Variants in STYX observed in about 807,000 individuals in gnomAD.
STYX encodes serine/threonine/tyrosine-interacting protein.
Under a neutral mutation model 42.7 loss-of-function variants are expected in STYX, and 20 were observed. The ratio of observed to expected loss-of-function variants is 0.47; its 90% CI spans 0.33 to 0.68. The LOEUF is 0.68. Ranked by LOEUF, STYX falls within the 30% of genes least tolerant of loss-of-function variation. STYX has a pLI of 0.02. For synonymous variants in STYX, 78 were observed against 81.9 expected (o/e 0.95, Z 0.26); for missense variants, 226 against 268.5 (o/e 0.84, Z 1.11).
At position 52,757,334 on chromosome 14, in the gene STYX, G is replaced by A. The variant is rs577721572; in HGVS notation, c.319G>A (p.Asp107Asn). Residue 107 changes from aspartate (D) to asparagine (N), a missense_variant, in exon 6 of 11, where the codon GAT becomes AAT. By Grantham distance (23) the Asp-to-Asn change is conservative (BLOSUM62 1). Transcript: ENST00000354586. ...RFFPMTKEFIDGSLQMGGKVL... is the reference protein window; with the variant it reads ...RFFPMTKEFINGSLQMGGKVL... ...TTGCCTCCAGACTAAGGAATTTATT[G>A]ATGGGAGCTTACAAATGGGAGGTAA... 5 of 1,606,844 alleles carry A rather than the reference G, an allele frequency of 3.1e-6. No homozygotes were observed. Among genetic ancestry groups the A allele is most frequent in the African/African-American group, 2.7e-5 (2 of 74,898 alleles).
rs547390497 is a variant in STYX, at chr14:52,771,093, C to T, written c.659C>T (p.Ala220Val). 20 of 1,609,602 alleles carry T rather than the reference C, an allele frequency of 1.2e-5. No individual in the cohort carries two copies. Among genetic ancestry groups the T allele is most frequent in the Non-Finnish European group, 1.6e-5 (19 of 1,177,128 alleles). ...DDFGTMQVATAQNG is the reference protein window; with the variant it reads ...DDFGTMQVATVQNG The stretch of plus-strand genomic sequence containing the variant: ...TTTGGAACCATGCAAGTGGCGACTG[C>T]ACAGAATGGCTGACTTGAAGAGCAA... Residue 220 changes from alanine to valine, a missense_variant, in exon 11 of 11, where the codon GCA becomes GTA. Transcript: ENST00000354586.
chr14:52,752,170 CAAAACAAAACA>C (rs1006150380), intron 4 of STYX, among the ~76,000 whole-genome samples: 1 of 106,982 alleles, frequency 9.3e-6, no homozygotes, highest in African/African-American at 3.5e-5. Flanking sequence ...AAAAACAAAA[CAAAACAAAACA>C]AAAAAAAAAC....
chr14:52,770,079 C>A (rs974435687), intron 10 of STYX, among the ~76,000 whole-genome samples: 1 of 152,094 alleles, frequency 6.6e-6, no homozygotes, highest in African/African-American at 2.4e-5. Flanking sequence ...GTCATCTCCT[C>A]AGGAAGACAT....
At chr14:52,746,404 C>A (rs890565603) in intron 2 of STYX, 22 bp from the exon 3 acceptor site, 2 of 1,540,252 alleles carry the variant, frequency 1.3e-6, no homozygotes, top group South Asian at 1.2e-5. Context: ...ATGGTAAATA[C>A]CTCAAATTTT....
intron 9 of STYX, among the ~76,000 whole-genome samples, chr14:52,761,328 CA>C (rs55985975): frequency 2.1e-3 from 227 of 106,606 alleles, no homozygotes; most frequent in African/African-American, 2.8e-3. Context: ...AACTCCGTGT[CA>C]AAAAAAAAAA....
At chr14:52,736,591 C>T (rs895846596) in intron 1 of STYX, among the ~76,000 whole-genome samples, 19 of 152,188 alleles carry the variant, frequency 1.2e-4, no homozygotes, top group African/African-American at 3.9e-4. Context: ...TTGTGAATCC[C>T]GTAGTACAGG....
chr14:52,748,772 A>G (rs943359018), intron 3 of STYX, among the ~76,000 whole-genome samples: 1 of 152,228 alleles, frequency 6.6e-6, no homozygotes, highest in African/African-American at 2.4e-5. Flanking sequence ...TCACATTCAT[A>G]AAGTAGATAG....
intron 2 of STYX, among the ~76,000 whole-genome samples, chr14:52,745,123 G>GTTTTTTTTTTTT (rs34700601): frequency 7.6e-6 from 1 of 132,308 alleles, no homozygotes; most frequent in Non-Finnish European, 1.6e-5. Flanking sequence ...TTTTTTTTTT[G>GTTTTTTTTTTTT]TTTTTTTTTT....
chr14:52,744,778 TG>T, intron 1 of STYX, 73 bp from the exon 2 acceptor site: 1 of 1,352,688 alleles, frequency 7.4e-7, no homozygotes, highest in Non-Finnish European at 1.1e-6. Flanking sequence ...CATACTTGTG[TG>T]TCACATCTTT....
intron 3 of STYX, among the ~76,000 whole-genome samples, chr14:52,748,668 T>G (rs769207365): frequency 6.6e-6 from 1 of 152,178 alleles, no homozygotes; most frequent in African/African-American, 2.4e-5. Flanking sequence ...GGCTCTATTT[T>G]GATAGTTTAT....
chr14:52,736,592 G>A (rs985611072), intron 1 of STYX, among the ~76,000 whole-genome samples: 4 of 152,048 alleles, frequency 2.6e-5, no homozygotes, highest in East Asian at 1.9e-4. Context: ...TGTGAATCCC[G>A]TAGTACAGGA....
chr14:52,741,230 A>ATATTT (rs570503762), intron 1 of STYX, among the ~76,000 whole-genome samples: 15 of 140,304 alleles, frequency 1.1e-4, no homozygotes, highest in Admixed American at 9.3e-4. Context: ...ATATATATAT[A>ATATTT]TTTTTTTTTT....
Position 52,772,433 on chromosome 14 carries a change from G to C in STYX, c.*1327G>C, listed in dbSNP as rs1882548600. ...TGGATTTTTGGCTATGTTTTAGTTT[G>C]TGTGTATAAAAGTTCTAAGAAAACA... is the stretch of plus-strand genomic sequence containing the variant. On this transcript the variant is annotated 3_prime_UTR_variant, in exon 11 of 11. Transcript: ENST00000354586. The C allele has an allele frequency of 6.6e-6, 1 of 152,566 alleles. No individual in the cohort carries two copies. Among genetic ancestry groups the C allele is most frequent in the Non-Finnish European group, 1.5e-5 (1 of 67,998 alleles). 9.5% of individuals were successfully genotyped at this position (152,566 alleles called of 1,614,324 possible). A position where few individuals can be genotyped will look rare whatever the true frequency, so the allele number is the denominator to read the frequency against.
At chr14:52,760,208 A>G (rs1882036465) in intron 9 of STYX, among the ~76,000 whole-genome samples, 1 of 151,854 alleles carries the variant, frequency 6.6e-6, no homozygotes, top group South Asian at 2.1e-4. Context: ...TCCCTAAAAA[A>G]TTAAAAAAAC....
intron 2 of STYX, among the ~76,000 whole-genome samples, 185 bp from the exon 3 acceptor site, chr14:52,746,241 C>A (rs1216704743): frequency 6.7e-6 from 1 of 148,996 alleles, no homozygotes; most frequent in Non-Finnish European, 1.5e-5. Context: ...TCAGCCTGGG[C>A]AACATAGTGA....
At chr14:52,742,796 GA>G (rs949012946) in intron 1 of STYX, among the ~76,000 whole-genome samples, 2 of 149,606 alleles carry the variant, frequency 1.3e-5, no homozygotes, top group Admixed American at 6.6e-5. Context: ...TGAATCTTTT[GA>G]TTTTTTTTTT....
At chr14:52,756,978 T>C (rs1429487956) in intron 5 of STYX, among the ~76,000 whole-genome samples, 1 of 152,208 alleles carries the variant, frequency 6.6e-6, no homozygotes, top group Non-Finnish European at 1.5e-5. Context: ...TGAGCCACCG[T>C]GCCCAGCCCC....
At chr14:52,739,736 A>G (rs989988064) in intron 1 of STYX, among the ~76,000 whole-genome samples, 2 of 144,222 alleles carry the variant, frequency 1.4e-5, no homozygotes, top group African/African-American at 5.2e-5. Flanking sequence ...CGACCTCCCA[A>G]GCCCGAGTGA....
chr14:52,746,341 T>C, intron 2 of STYX, 85 bp from the exon 3 acceptor site: 2 of 955,484 alleles, frequency 2.1e-6, no homozygotes, highest in South Asian at 1.6e-5. Context: ...TGCTTTTGAT[T>C]TGGCCAAATA....
Sources: gnomAD v4.1 joint callset for allele counts (sites outside exome capture counted in the v4.1 genomes callset) on GRCh38, gnomAD v4.1.1 for gene constraint, MANE v1.5 for transcripts, NCBI Gene and HGNC (gene_info 2026-07-23, HGNC 2026-07-21) for gene names.